The following AFAP1L2 variants were observed in gnomAD, a reference collection of about 807,000 sequenced individuals.
AFAP1L2 encodes the protein actin filament associated protein 1 like 2, also known as actin filament-associated protein 1-like 2.
AFAP1L2 carries 46 observed loss-of-function variants against 99.3 expected under a neutral mutation model. The observed-to-expected ratio is 0.46, with a 90% CI of 0.37 to 0.59. The LOEUF is 0.59. Ranked by LOEUF, AFAP1L2 falls within the 20% of genes least tolerant of loss-of-function variation. The pLI, the probability that AFAP1L2 is intolerant of heterozygous loss-of-function variation, is 0.00. For missense variants in AFAP1L2, 959 were observed against 1,034.9 expected (o/e 0.93, Z 1.01); for synonymous variants, 397 against 419.1 (o/e 0.95, Z 0.64).
chr10:114,362,577 G>A (rs1003396654), intron 1 of AFAP1L2, among the ~76,000 whole-genome samples: 12 of 152,162 alleles, frequency 7.9e-5, no homozygotes, highest in African/African-American at 2.9e-4. Flanking sequence ...AGGGAGCGCG[G>A]ACCTGCTGAC....
At chr10:114,335,161 T>G (rs2047746716) in intron 2 of AFAP1L2, among the ~76,000 whole-genome samples, 1 of 152,214 alleles carries the variant, frequency 6.6e-6, no homozygotes, top group Non-Finnish European at 1.5e-5. Flanking sequence ...ATGGCCATTT[T>G]AGAGATGATT....
the AFAP1L2 span, chr10:114,284,947 C>G: frequency 6.2e-7 from 1 of 1,602,444 alleles, no homozygotes; most frequent in Non-Finnish European, 8.5e-7. Context: ...TGCCCGCTGG[C>G]CTTTGGAGGG....
At chr10:114,308,124 G>T (rs1469126727) in intron 9 of AFAP1L2, among the ~76,000 whole-genome samples, 1 of 152,128 alleles carries the variant, frequency 6.6e-6, no homozygotes, top group East Asian at 1.9e-4. Context: ...CACTCAAGAG[G>T]GGTACACAGA....
At chr10:114,309,135 C>T (rs1158205546) in intron 8 of AFAP1L2, among the ~76,000 whole-genome samples, 1 of 152,192 alleles carries the variant, frequency 6.6e-6, no homozygotes, top group African/African-American at 2.4e-5. Context: ...GACTCCATAC[C>T]TCTGGAAAAC....
At chr10:114,296,481 T>C in intron 18 of AFAP1L2, 1 of 216,838 alleles carries the variant, frequency 4.6e-6, no homozygotes. Flanking sequence ...AATGATACTT[T>C]TTTGACTAGC....
chr10:114,289,207 CT>C, the AFAP1L2 span: 1 of 1,613,722 alleles, frequency 6.2e-7, no homozygotes, highest in Non-Finnish European at 8.5e-7. Context: ...CGGCACCGCC[CT>C]GCTGCACATC....
rs560673092 is a variant in AFAP1L2 at position 114,394,670 on chromosome 10, C to T, written c.16+9770G>A. Among the ~76,000 whole-genome samples the T allele has an allele frequency of 7.2e-5, 11 of 152,232 alleles. No individual in the cohort carries two copies. The South Asian group carries it at 2.3e-3, about 32-fold the overall frequency. The stretch of plus-strand genomic sequence containing the variant: ...AGGGAGGAAGCAAGAGATGCAGGTG[C>T]AGGAGCCAGCGTGAGCCTGTGCGTC... On this transcript the variant is annotated intron_variant, in intron 1 of 18. Transcript: ENST00000304129.
chr10:114,402,639 G>T (rs1372898612), intron 1 of AFAP1L2, among the ~76,000 whole-genome samples: 4 of 152,172 alleles, frequency 2.6e-5, no homozygotes, highest in African/African-American at 9.7e-5. Context: ...GATCCTCTTC[G>T]AGGGTGGGAG....
At chr10:114,389,079 T>A (rs2056840834) in intron 1 of AFAP1L2, among the ~76,000 whole-genome samples, 1 of 152,134 alleles carries the variant, frequency 6.6e-6, no homozygotes, top group Non-Finnish European at 1.5e-5. Flanking sequence ...TAAATGCAAT[T>A]GGAGTTGCTG....
chr10:114,295,772 G>T lies in AFAP1L2; in HGVS notation c.*270C>A. On this transcript the variant is annotated 3_prime_UTR_variant, in exon 19 of 19. Coordinates refer to ENST00000304129, the MANE Select transcript of AFAP1L2 (RefSeq NM_001001936.3). Reference sequence around the variant, plus strand: ...AGCAATTGATGACAACTTCAAAAAAGAAAGAAACACAGAACATCCCTAAAT... The same window carrying T: ...AGCAATTGATGACAACTTCAAAAAATAAAGAAACACAGAACATCCCTAAAT... The T allele has an allele frequency of 8.4e-7, 1 of 1,187,380 alleles. No homozygotes were observed. The highest frequency in any genetic ancestry group is 1.0e-6 in the Non-Finnish European group (1 of 957,656). 73.6% of individuals were successfully genotyped at this position (1,187,380 alleles called of 1,614,324 possible). A position where few individuals can be genotyped will look rare whatever the true frequency, so the allele number is the denominator to read the frequency against.
chr10:114,402,988 G>A (rs908475786), intron 1 of AFAP1L2, among the ~76,000 whole-genome samples: 1 of 152,240 alleles, frequency 6.6e-6, no homozygotes, highest in South Asian at 2.1e-4. Context: ...CCCAGTAGGG[G>A]AGGGAGTGCA....
chr10:114,362,658 C>T (rs965150587), intron 1 of AFAP1L2, among the ~76,000 whole-genome samples: 4 of 152,182 alleles, frequency 2.6e-5, no homozygotes, highest in Admixed American at 6.5e-5. Flanking sequence ...CCAACATAAG[C>T]TGTCGTGGTC....
intron 9 of AFAP1L2, 49 bp from the exon 10 acceptor site, chr10:114,307,958 C>T (rs146164479): frequency 5.3e-5 from 83 of 1,555,634 alleles, no homozygotes; most frequent in East Asian, 3.1e-4. Context: ...GGTCCACCCA[C>T]GTGCCCATGA....
the AFAP1L2 span, among the ~76,000 whole-genome samples, chr10:114,282,087 G>A: frequency 3.2e-3 from 425 of 132,162 alleles, 1 homozygote; most frequent in Non-Finnish European, 5.7e-3. Context: ...TCGGCTCACC[G>A]CAACCTCTGC....
rs1236595409 is a variant in AFAP1L2, at chr10:114,295,768, A to AAAAG, written c.*270_*273dup. On this transcript the variant is annotated 3_prime_UTR_variant, in exon 19 of 19. Transcript: ENST00000304129. The stretch of plus-strand genomic sequence containing the variant: ...GTAAAGCAATTGATGACAACTTCAA[A>AAAAG]AAAGAAAGAAACACAGAACATCCCT... 3 of 1,181,886 alleles carry AAAAG rather than the reference A, an allele frequency of 2.5e-6. No individual in the cohort carries two copies. The highest frequency in any genetic ancestry group is 1.6e-5 in the African/African-American group (1 of 63,310). The allele number at this position is 1,181,886 out of a possible 1,614,324, so 73.2% of individuals were successfully genotyped here.
In AFAP1L2 at chr10:114,404,480, C is replaced by T. The variant is rs568824336; in HGVS notation, c.-25G>A. ...TCGGGGCCACGGAGTGCGCTCCTCG[C>T]GGCTCGGCTTCTGCGCTGCTCTCCC... On this transcript the variant is annotated 5_prime_UTR_variant, in exon 1 of 19. Transcript: ENST00000304129. 58 of 1,535,362 alleles carry T rather than the reference C, an allele frequency of 3.8e-5. No individual in the cohort carries two copies. The East Asian group carries it at 4.3e-4, about 11-fold the overall frequency.
At position 114,295,545 on chromosome 10, in the gene AFAP1L2, G is replaced by T. The variant is rs1336304246; in HGVS notation, c.*497C>A. On this transcript the variant is annotated 3_prime_UTR_variant, in exon 19 of 19. Transcript: ENST00000304129. ...GTTTAAAATCACTGAAGACTGAGTT[G>T]GGCCTGGTAATATTGGAGAGAACTG... is the stretch of plus-strand genomic sequence containing the variant. The T allele has an allele frequency of 2.0e-6, 2 of 985,804 alleles. No individual in the cohort carries two copies. Among genetic ancestry groups the T allele is most frequent in the African/African-American group, 1.7e-5 (1 of 57,248 alleles). 61.1% of individuals were successfully genotyped at this position (985,804 alleles called of 1,614,324 possible). A position where few individuals can be genotyped will look rare whatever the true frequency, so the allele number is the denominator to read the frequency against.
chr10:114,299,437 C>G, intron 15 of AFAP1L2, 22 bp from the exon 16 acceptor site: 1 of 1,613,254 alleles, frequency 6.2e-7, no homozygotes, highest in African/African-American at 1.3e-5. Context: ...GAGAGGGAAG[C>G]CCCAGGTAAG....
intron 12 of AFAP1L2, 79 bp downstream of exon 12, chr10:114,302,260 C>G: frequency 1.3e-6 from 2 of 1,588,248 alleles, no homozygotes; most frequent in Non-Finnish European, 1.7e-6. Flanking sequence ...TCCCTGCTGC[C>G]CCTGACTCTG....
Sources: allele counts gnomAD v4.1 joint callset (sites outside exome capture counted in the v4.1 genomes callset), GRCh38; gene constraint gnomAD v4.1.1; transcripts MANE v1.5; gene names NCBI Gene and HGNC (gene_info 2026-07-23, HGNC 2026-07-21).